Variants in SCNN1G observed in about 807,000 individuals in gnomAD.
SCNN1G encodes epithelial sodium channel subunit gamma.
SCNN1G carries 27 observed loss-of-function variants against 64.6 expected under a neutral mutation model. That is an observed-to-expected ratio of 0.42 (90% CI 0.31 to 0.58). The LOEUF (loss-of-function observed/expected upper bound fraction) is 0.58, where lower values mean the gene tolerates loss of function less well. Among genes scored for constraint, SCNN1G ranks in the 20% least tolerant of loss-of-function variants. The pLI is 0.18. For missense variants in SCNN1G, 743 were observed against 823.4 expected (o/e 0.90, Z 1.19); for synonymous variants, 330 against 314.2 (o/e 1.05, Z -0.53).
In SCNN1G at chr16:23,212,570, G is replaced by A. The variant is rs1960097122; in HGVS notation, c.1295-108G>A. On this transcript the variant is annotated intron_variant, in intron 8 of 12. Coordinates refer to ENST00000300061, the MANE Select transcript of SCNN1G (RefSeq NM_001039.4). Reference sequence around the variant, plus strand: ...TCCAGAGAGTTGGTAGAAAGTGGGAGGAGAAATCATTAAAATGAGACTGCG... The same window carrying A: ...TCCAGAGAGTTGGTAGAAAGTGGGAAGAGAAATCATTAAAATGAGACTGCG... 51 of 852,048 alleles carry A rather than the reference G, an allele frequency of 6.0e-5. No individual in the cohort carries two copies. In the South Asian group the frequency reaches 6.3e-4, roughly 11 times the overall value. 52.8% of individuals were successfully genotyped at this position (852,048 alleles called of 1,614,324 possible).
At chr16:23,188,821 T>C (rs956714885) in intron 2 of SCNN1G, among the ~76,000 whole-genome samples, 2 of 151,932 alleles carry the variant, frequency 1.3e-5, no homozygotes, top group African/African-American at 4.8e-5. Flanking sequence ...ACCATTTGAT[T>C]TGTGAAAATT....
chr16:23,213,148 A>G lies in SCNN1G; in HGVS notation c.1478A>G (p.Asn493Ser), dbSNP rs1329296992. 6.8e-6 allele frequency: 11 copies of G among 1,612,874 alleles called. No individual in the cohort carries two copies. Among genetic ancestry groups the G allele is most frequent in the Non-Finnish European group, 8.5e-6 (10 of 1,179,572 alleles). Residue 493 changes from asparagine (N) to serine (S), a missense_variant, in exon 11 of 13, where the codon AAC becomes AGC. By Grantham distance (46) the Asn-to-Ser change is conservative (BLOSUM62 1). Coordinates refer to ENST00000300061, the MANE Select transcript of SCNN1G (RefSeq NM_001039.4). ...ACTTGGGACCAAGGCCGGCAAGTAA[A>G]CAAAAAGCTCAACAAGTAAGTTACC... ...VLTWDQGRQVNKKLNKTDLAK... is the reference protein window; with the variant it reads ...VLTWDQGRQVSKKLNKTDLAK...
At chr16:23,208,778 C>A (rs1405217845) in intron 6 of SCNN1G, among the ~76,000 whole-genome samples, 1 of 151,298 alleles carries the variant, frequency 6.6e-6, no homozygotes, top group Non-Finnish European at 1.5e-5. Flanking sequence ...TCCTCTGTCA[C>A]CAACGCTGGA....
At chr16:23,211,904 C>T in intron 7 of SCNN1G, 130 bp from the exon 8 acceptor site, 1 of 763,702 alleles carries the variant, frequency 1.3e-6, no homozygotes, top group Non-Finnish European at 2.4e-6. Flanking sequence ...GCCCAGTTGG[C>T]ATAAGGGGCA....
chr16:23,183,407 C>A (rs1458002692), intron 1 of SCNN1G, among the ~76,000 whole-genome samples: 3 of 152,152 alleles, frequency 2.0e-5, no homozygotes, highest in Non-Finnish European at 4.4e-5. Context: ...ACTCGCCCTT[C>A]GGGACGGGCA....
intron 11 of SCNN1G, among the ~76,000 whole-genome samples, chr16:23,213,627 C>T (rs2141945687): frequency 1.3e-5 from 2 of 152,324 alleles, no homozygotes; most frequent in Middle Eastern, 3.4e-3. Flanking sequence ...GTGAATCATG[C>T]CATGTGAACT....
chr16:23,214,612 G>C, intron 11 of SCNN1G, 100 bp from the exon 12 acceptor site: 1 of 906,900 alleles, frequency 1.1e-6, no homozygotes, highest in Non-Finnish European at 1.8e-6. Flanking sequence ...TCAGTGCCTT[G>C]GCCATGCTGC....
At chr16:23,201,772 C>T (rs1449241387) in intron 6 of SCNN1G, among the ~76,000 whole-genome samples, 2 of 152,190 alleles carry the variant, frequency 1.3e-5, no homozygotes, top group Non-Finnish European at 2.9e-5. Flanking sequence ...AACAGAGCTC[C>T]TACCTTCAAA....
chr16:23,183,912 G>A (rs1430875964), intron 1 of SCNN1G, among the ~76,000 whole-genome samples: 6 of 152,200 alleles, frequency 3.9e-5, no homozygotes, highest in Non-Finnish European at 8.8e-5. Context: ...CCTTGGGCAA[G>A]CTACTTAACC....
At chr16:23,189,232 G>A (rs1596762790) in intron 2 of SCNN1G, 139 bp from the exon 3 acceptor site, 1 of 860,134 alleles carries the variant, frequency 1.2e-6, no homozygotes. Context: ...AGTCATGAAA[G>A]GCGTGGTCTC....
intron 11 of SCNN1G, 146 bp from the exon 12 acceptor site, chr16:23,214,566 G>T: frequency 1.4e-6 from 1 of 705,700 alleles, no homozygotes; most frequent in East Asian, 2.7e-5. Context: ...TGTAGACGGA[G>T]CCCTTATGGG....
chr16:23,207,885 C>T (rs1261002184), intron 6 of SCNN1G, among the ~76,000 whole-genome samples: 1 of 152,116 alleles, frequency 6.6e-6, no homozygotes, highest in Non-Finnish European at 1.5e-5. Flanking sequence ...CCCCCTCTAC[C>T]CGTTTTCATT....
Position 23,212,772 on chromosome 16 carries a change from G to C in SCNN1G, c.1373+16G>C. Reference sequence around the variant, plus strand: ...AAGCCTGCAGGTATGTGGACCCCAAGGGGTGAGACGGGTGGCTGGGTTGGG... The same window carrying C: ...AAGCCTGCAGGTATGTGGACCCCAACGGGTGAGACGGGTGGCTGGGTTGGG... On this transcript the variant is annotated intron_variant, in intron 9 of 12. Coordinates refer to ENST00000300061, the MANE Select transcript of SCNN1G (RefSeq NM_001039.4). 6.2e-7 allele frequency: 1 copy of C among 1,613,920 alleles called. No homozygotes were observed. The highest frequency in any genetic ancestry group is 8.5e-7 in the Non-Finnish European group (1 of 1,179,752).
intron 6 of SCNN1G, among the ~76,000 whole-genome samples, chr16:23,198,556 C>A (rs1959834689): frequency 6.6e-6 from 1 of 151,996 alleles, no homozygotes; most frequent in African/African-American, 2.4e-5. Context: ...CATAGCAAAA[C>A]CCCATCTCTA....
Position 23,215,628 on chromosome 16 carries a change from T to G in SCNN1G, c.*159T>G, listed in dbSNP as rs3026. 149,065 of 785,260 alleles carry G rather than the reference T, an allele frequency of 0.19. 15,716 individuals carry two copies. The highest frequency in any genetic ancestry group is 0.24 in the African/African-American group (14,255 of 58,478). The allele number at this position is 785,260 out of a possible 1,614,324, so 48.6% of individuals were successfully genotyped here. The stretch of plus-strand genomic sequence containing the variant: ...CTGCTTTAAACCGCAAGATGGGGCC[T>G]GGGCATGCGCAGGAGGAGCCATCGG... On this transcript the variant is annotated 3_prime_UTR_variant, in exon 13 of 13. Coordinates refer to ENST00000300061, the MANE Select transcript of SCNN1G (RefSeq NM_001039.4).
At chr16:23,200,027 T>C (rs1351838181) in intron 6 of SCNN1G, among the ~76,000 whole-genome samples, 2 of 152,164 alleles carry the variant, frequency 1.3e-5, no homozygotes, top group Non-Finnish European at 1.5e-5. Flanking sequence ...CAAAATCTCC[T>C]TGTGGACTAT....
At chr16:23,210,472 C>G (rs780408922) in intron 7 of SCNN1G, among the ~76,000 whole-genome samples, 4 of 152,216 alleles carry the variant, frequency 2.6e-5, no homozygotes, top group Admixed American at 6.5e-5. Context: ...AGCAGGTGTT[C>G]TCTGGCTCCC....
intron 2 of SCNN1G, among the ~76,000 whole-genome samples, chr16:23,188,684 A>T (rs145689406): frequency 6.6e-5 from 10 of 152,292 alleles, no homozygotes; most frequent in African/African-American, 2.2e-4. Context: ...CAGTACCAGG[A>T]TGGGGAACCT....
At chr16:23,209,726 G>C (rs1323912396) in intron 6 of SCNN1G, 24 bp from the exon 7 acceptor site, 1 of 1,573,552 alleles carries the variant, frequency 6.4e-7, no homozygotes, top group Non-Finnish European at 8.7e-7. Context: ...GGACAGGGCT[G>C]AGTGTGTGCT....
Sources: allele counts gnomAD v4.1 joint callset (sites outside exome capture counted in the v4.1 genomes callset), GRCh38; gene constraint gnomAD v4.1.1; transcripts MANE v1.5; gene names NCBI Gene and HGNC (gene_info 2026-07-23, HGNC 2026-07-21).